Variants in ABTB2 observed in about 807,000 individuals in gnomAD.
ABTB2 encodes the protein ankyrin repeat and BTB/POZ domain-containing protein 2.
ABTB2 carries 56 observed loss-of-function variants against 104.1 expected under a neutral mutation model. That is an observed-to-expected ratio of 0.54 (90% CI 0.43 to 0.67). ABTB2 has a LOEUF of 0.67. Among genes scored for constraint, ABTB2 ranks in the 30% least tolerant of loss-of-function variants. The pLI is 0.00. For synonymous variants in ABTB2, 606 were observed against 608.2 expected, an observed-to-expected ratio of 1.00 and a Z score of 0.05; for missense variants, 1,279 against 1,407.7, an observed-to-expected ratio of 0.91 and a Z score of 1.46.
intron 1 of ABTB2, among the ~76,000 whole-genome samples, chr11:34,316,047 A>G (rs1854925166): frequency 6.6e-6 from 1 of 152,246 alleles, no homozygotes; most frequent in Non-Finnish European, 1.5e-5. Context: ...ACACTTGACA[A>G]GAACTAACTT....
intron 1 of ABTB2, among the ~76,000 whole-genome samples, chr11:34,229,352 G>T (rs1349482048): frequency 3.3e-5 from 5 of 151,094 alleles, no homozygotes; most frequent in Non-Finnish European, 7.4e-5. Flanking sequence ...GTGGTGGCGG[G>T]CGCCTGTAGT....
chr11:34,334,016 GAAAA>G (rs5790985), intron 1 of ABTB2, among the ~76,000 whole-genome samples: 1 of 119,944 alleles, frequency 8.3e-6, no homozygotes, highest in African/African-American at 3.4e-5. Flanking sequence ...AGCCACAGGT[GAAAA>G]AAAAAAAAAA....
At chr11:34,206,406 AC>A (rs1853408129) in intron 1 of ABTB2, among the ~76,000 whole-genome samples, 1 of 151,988 alleles carries the variant, frequency 6.6e-6, no homozygotes, top group African/African-American at 2.4e-5. Context: ...AAACAAAAAA[AC>A]CCTGTGTGAT....
chr11:34,312,009 C>T (rs373167710), intron 1 of ABTB2, among the ~76,000 whole-genome samples: 48 of 152,078 alleles, frequency 3.2e-4, no homozygotes, highest in African/African-American at 1.1e-3. Flanking sequence ...GTCATGGTGG[C>T]GCACGCCTGT....
At chr11:34,323,968 C>G (rs185481058) in intron 1 of ABTB2, among the ~76,000 whole-genome samples, 14 of 142,788 alleles carry the variant, frequency 9.8e-5, no homozygotes, top group Non-Finnish European at 2.0e-4. Flanking sequence ...GGCTGGAGTG[C>G]CATGGTATGA....
At chr11:34,332,228 G>A (rs1400671593) in intron 1 of ABTB2, among the ~76,000 whole-genome samples, 1 of 151,908 alleles carries the variant, frequency 6.6e-6, no homozygotes, top group Non-Finnish European at 1.5e-5. Context: ...GTGGCTGTAG[G>A]CAGACCTAGC....
At chr11:34,215,710 GATTGAGC>G (rs1853542166) in intron 1 of ABTB2, among the ~76,000 whole-genome samples, 1 of 152,186 alleles carries the variant, frequency 6.6e-6, no homozygotes, top group Non-Finnish European at 1.5e-5. Flanking sequence ...TAATTCACAA[GATTGAGC>G]ATTAAAACAG....
chr11:34,239,046 C>A (rs540830345), intron 1 of ABTB2, among the ~76,000 whole-genome samples: 1 of 152,324 alleles, frequency 6.6e-6, no homozygotes, highest in Admixed American at 6.5e-5. Flanking sequence ...AGCCACCACG[C>A]CCAGCCCACA....
intron 1 of ABTB2, among the ~76,000 whole-genome samples, chr11:34,338,711 A>G (rs1366278497): frequency 6.6e-6 from 1 of 152,154 alleles, no homozygotes; most frequent in Non-Finnish European, 1.5e-5. Flanking sequence ...TCAAAACAAA[A>G]CAAAAAAACA....
chr11:34,278,194 A>G (rs2133085105), intron 1 of ABTB2, among the ~76,000 whole-genome samples: 1 of 152,312 alleles, frequency 6.6e-6, no homozygotes, highest in East Asian at 1.9e-4. Context: ...AAACTAAAAA[A>G]AAAAGTTAAA....
intron 1 of ABTB2, among the ~76,000 whole-genome samples, chr11:34,304,774 G>A (rs1295505854): frequency 6.6e-6 from 1 of 152,144 alleles, no homozygotes; most frequent in Non-Finnish European, 1.5e-5. Flanking sequence ...AAGAGTGGTG[G>A]GGCCAGGATT....
intron 1 of ABTB2, among the ~76,000 whole-genome samples, chr11:34,297,694 A>T (rs1854637644): frequency 1.4e-5 from 2 of 141,072 alleles, no homozygotes; most frequent in African/African-American, 5.3e-5. Context: ...TGAACCTGGG[A>T]GGTGGAGGTT....
At chr11:34,268,901 C>G (rs1232162557) in intron 1 of ABTB2, among the ~76,000 whole-genome samples, 1 of 152,196 alleles carries the variant, frequency 6.6e-6, no homozygotes, top group African/African-American at 2.4e-5. Context: ...ACCCACCCTA[C>G]CCAGTGGGGC....
intron 16 of ABTB2, among the ~76,000 whole-genome samples, chr11:34,153,861 G>A (rs1852583039): frequency 6.6e-6 from 1 of 152,210 alleles, no homozygotes; most frequent in Non-Finnish European, 1.5e-5. Flanking sequence ...TGATTCCTGA[G>A]TTTTGAGTCT....
chr11:34,195,105 G>A (rs1441524283), intron 3 of ABTB2, among the ~76,000 whole-genome samples: 2 of 134,758 alleles, frequency 1.5e-5, no homozygotes, highest in Non-Finnish European at 1.6e-5. Context: ...GGGAGAAAGT[G>A]CCAGCAGAGG....
intron 1 of ABTB2, among the ~76,000 whole-genome samples, chr11:34,300,642 T>C (rs997220553): frequency 1.3e-5 from 2 of 152,120 alleles, no homozygotes; most frequent in Admixed American, 6.5e-5. Flanking sequence ...GCTTGCCAAA[T>C]GTAATTGGGC....
chr11:34,343,663 A>G lies in ABTB2; in HGVS notation c.883+13038T>C, dbSNP rs112303536. Among the ~76,000 whole-genome samples the G allele has an allele frequency of 4.4e-3, 575 of 129,902 alleles. 24 individuals are homozygous for G. The highest frequency in any genetic ancestry group is 6.8e-3 in the Non-Finnish European group (367 of 53,636). 85.2% of individuals were successfully genotyped at this position (129,902 alleles called of 152,430 possible). A position where few individuals can be genotyped will look rare whatever the true frequency, so the allele number is the denominator to read the frequency against. Reference sequence around the variant, plus strand: ...TCATTTCTGTATTTTTAGTAGAGACAGGGTTTCACCAAGTTGGCCAGGCTG... The same window carrying G: ...TCATTTCTGTATTTTTAGTAGAGACGGGGTTTCACCAAGTTGGCCAGGCTG... On this transcript the variant is annotated intron_variant, in intron 1 of 16. Transcript: ENST00000435224.
chr11:34,265,525 C>T (rs192008330), intron 1 of ABTB2, among the ~76,000 whole-genome samples: 4 of 151,928 alleles, frequency 2.6e-5, no homozygotes, highest in African/African-American at 7.2e-5. Context: ...CCAGGCGTGG[C>T]GGTACATGCC....
intron 1 of ABTB2, among the ~76,000 whole-genome samples, chr11:34,312,014 G>A (rs1485561408): frequency 6.6e-6 from 1 of 152,048 alleles, no homozygotes; most frequent in African/African-American, 2.4e-5. Context: ...GGTGGCGCAC[G>A]CCTGTAATCC....
Sources: gnomAD v4.1 joint callset for allele counts (sites outside exome capture counted in the v4.1 genomes callset) on GRCh38, gnomAD v4.1.1 for gene constraint, MANE v1.5 for transcripts, NCBI Gene and HGNC (gene_info 2026-07-23, HGNC 2026-07-21) for gene names.